The following DLGAP2 variants were observed in gnomAD, a reference collection of about 807,000 sequenced individuals.
The protein encoded by DLGAP2 is DLG associated protein 2.
Under a neutral mutation model 100.3 loss-of-function variants are expected in DLGAP2, and 26 were observed. The ratio of observed to expected loss-of-function variants is 0.26; its 90% CI spans 0.19 to 0.36. DLGAP2 has a LOEUF of 0.36. Ranked by LOEUF, DLGAP2 falls within the 10% of genes least tolerant of loss-of-function variation. The probability of loss-of-function intolerance (pLI) is 1.00; values close to 1 mark genes in which losing one functional copy is unlikely to be tolerated. For missense variants in DLGAP2, 1,858 were observed against 1,453.2 expected (o/e 1.28, Z -4.53); for synonymous variants, 886 against 630.1 (o/e 1.41, Z -6.08).
At chr8:1,605,473 A>G (rs1796766584) in intron 6 of DLGAP2, among the ~76,000 whole-genome samples, 1 of 152,174 alleles carries the variant, frequency 6.6e-6, no homozygotes, top group Admixed American at 6.5e-5. Context: ...TCTCTGGTGA[A>G]TGCGTGAATC....
chr8:1,189,388 C>T (rs1214468531), intron 2 of DLGAP2, among the ~76,000 whole-genome samples: 1 of 152,210 alleles, frequency 6.6e-6, no homozygotes, highest in Non-Finnish European at 1.5e-5. Flanking sequence ...AACATTAAGA[C>T]ACTGAACCAT....
At position 878,698 on chromosome 8, in the gene DLGAP2, A is replaced by T. The variant is rs369899920; in HGVS notation, c.19-29214A>T. 1.2e-4 allele frequency among the ~76,000 whole-genome samples: 19 copies of T among 152,150 alleles called. 1 individual carries two copies. The highest frequency in any genetic ancestry group is 9.2e-4 in the Admixed American group (14 of 15,296). ...GATTAAATGCCATCTCTCAGGAGTG[A>T]GTTCTCCTGGGAATGGGTTGCTTTC... On this transcript the variant is annotated intron_variant, in intron 1 of 14. Coordinates refer to ENST00000637795, the MANE Select transcript of DLGAP2 (RefSeq NM_001346810.2).
At chr8:1,304,554 T>G (rs568318722) in intron 3 of DLGAP2, among the ~76,000 whole-genome samples, 1 of 152,312 alleles carries the variant, frequency 6.6e-6, no homozygotes, top group East Asian at 1.9e-4. Flanking sequence ...TGAAGCCAAC[T>G]TTGTTTTAAA....
chr8:1,355,225 G>A (rs1391767562), intron 3 of DLGAP2, among the ~76,000 whole-genome samples: 17 of 152,264 alleles, frequency 1.1e-4, no homozygotes, highest in Non-Finnish European at 5.9e-5. Context: ...GCGTGACAGC[G>A]GTGACACCTG....
chr8:903,834 T>TA (rs1444176566), intron 1 of DLGAP2, among the ~76,000 whole-genome samples: 3 of 152,216 alleles, frequency 2.0e-5, no homozygotes, highest in Non-Finnish European at 4.4e-5. Context: ...TCACCTGACT[T>TA]ACGGTGCTCG....
At chr8:1,203,495 C>G (rs1168372717) in intron 2 of DLGAP2, among the ~76,000 whole-genome samples, 2 of 152,248 alleles carry the variant, frequency 1.3e-5, no homozygotes, top group East Asian at 3.9e-4. Context: ...GTGCATTTTG[C>G]GTGTCCTGAG....
At chr8:1,503,579 A>G (rs1799798840) in intron 4 of DLGAP2, among the ~76,000 whole-genome samples, 1 of 152,014 alleles carries the variant, frequency 6.6e-6, no homozygotes, top group Non-Finnish European at 1.5e-5. Context: ...GTGAACACGG[A>G]GTGCAGCTCT....
chr8:973,844 C>T (rs1336565010), intron 2 of DLGAP2, among the ~76,000 whole-genome samples: 15 of 89,480 alleles, frequency 1.7e-4, no homozygotes, highest in South Asian at 4.2e-4. Flanking sequence ...GAGGTCGGGG[C>T]GGGCGGTGGC....
chr8:940,300 A>G (rs1268486285), intron 2 of DLGAP2, among the ~76,000 whole-genome samples: 1 of 152,014 alleles, frequency 6.6e-6, no homozygotes, highest in African/African-American at 2.4e-5. Context: ...ACGAAAACCA[A>G]TGCCTGCGAC....
intron 2 of DLGAP2, among the ~76,000 whole-genome samples, chr8:1,229,691 C>G (rs11776892): frequency 0.21 from 32,142 of 152,094 alleles, 3,439 homozygotes; most frequent in Admixed American, 0.28. Context: ...AGGCTTCATT[C>G]TTGGGATGCA....
chr8:887,272 T>G (rs1797941682), intron 1 of DLGAP2, among the ~76,000 whole-genome samples: 1 of 152,146 alleles, frequency 6.6e-6, no homozygotes, highest in African/African-American at 2.4e-5. Context: ...TGTCTTTGCA[T>G]GTAAGATGGG....
chr8:1,465,108 C>T (rs1225377560), intron 3 of DLGAP2, among the ~76,000 whole-genome samples: 1 of 152,234 alleles, frequency 6.6e-6, no homozygotes, highest in Non-Finnish European at 1.5e-5. Flanking sequence ...CTGGCGGGAA[C>T]CTCAGGTCCC....
chr8:943,563 C>T (rs1799244547), intron 2 of DLGAP2, among the ~76,000 whole-genome samples: 1 of 151,924 alleles, frequency 6.6e-6, no homozygotes, highest in African/African-American at 2.4e-5. Flanking sequence ...CGTGATGTGG[C>T]CATCCCGCCA....
intron 2 of DLGAP2, among the ~76,000 whole-genome samples, chr8:994,563 G>A (rs560213764): frequency 5.5e-4 from 84 of 152,278 alleles, no homozygotes; most frequent in Non-Finnish European, 9.7e-4. Flanking sequence ...CAAGAACAGT[G>A]CTCTTAACTT....
intron 3 of DLGAP2, among the ~76,000 whole-genome samples, chr8:1,364,746 C>A (rs557067516): frequency 1.3e-5 from 2 of 152,338 alleles, no homozygotes; most frequent in East Asian, 3.9e-4. Flanking sequence ...CAGAGCTCAG[C>A]TCCCCTTGAA....
At chr8:1,169,662 C>G (rs1298101941) in intron 2 of DLGAP2, among the ~76,000 whole-genome samples, 2 of 152,022 alleles carry the variant, frequency 1.3e-5, no homozygotes. Context: ...TGGGAGTTCA[C>G]TCATGGTTTG....
intron 2 of DLGAP2, among the ~76,000 whole-genome samples, chr8:983,567 C>G (rs1253601917): frequency 6.6e-6 from 1 of 152,206 alleles, no homozygotes; most frequent in Non-Finnish European, 1.5e-5. Context: ...CGTAACTTCC[C>G]TGAGACTCAG....
At chr8:1,134,371 A>G (rs1489814775) in intron 2 of DLGAP2, among the ~76,000 whole-genome samples, 1 of 152,130 alleles carries the variant, frequency 6.6e-6, no homozygotes, top group Non-Finnish European at 1.5e-5. Flanking sequence ...GCTTGGTGCA[A>G]TGGTAGTTCT....
intron 3 of DLGAP2, among the ~76,000 whole-genome samples, chr8:1,320,394 G>C (rs971763138): frequency 2.0e-5 from 3 of 152,088 alleles, no homozygotes; most frequent in Non-Finnish European, 2.9e-5. Context: ...CCCTGGAGCC[G>C]GACCGGAGGA....
Sources: gnomAD v4.1 joint callset for allele counts (sites outside exome capture counted in the v4.1 genomes callset) on GRCh38, gnomAD v4.1.1 for gene constraint, MANE v1.5 for transcripts, NCBI Gene and HGNC (gene_info 2026-07-23, HGNC 2026-07-21) for gene names.